The following PRRX1 variants were observed in gnomAD, a reference collection of about 807,000 sequenced individuals.
The protein encoded by PRRX1 is paired mesoderm homeobox protein 1.
In PRRX1, 8 loss-of-function variants were observed where a neutral mutation model predicts 24.0. That is an observed-to-expected ratio of 0.33 (90% CI 0.20 to 0.60). The LOEUF (loss-of-function observed/expected upper bound fraction) is 0.60, where lower values mean the gene tolerates loss of function less well. PRRX1 is among the 20% of genes least tolerant of loss of function. The probability of loss-of-function intolerance (pLI) is 0.82; values close to 1 mark genes in which losing one functional copy is unlikely to be tolerated. For synonymous variants in PRRX1, 160 were observed against 131.7 expected, an observed-to-expected ratio of 1.22 and a Z score of -1.47; for missense variants, 281 against 322.4, an observed-to-expected ratio of 0.87 and a Z score of 0.98.
At chr1:170,730,372 G>T in intron 3 of PRRX1, 2 of 1,580,084 alleles carry the variant, frequency 1.3e-6, no homozygotes, top group Non-Finnish European at 1.7e-6. Context: ...GGGGGAAGAG[G>T]GTGGCTGCTT....
chr1:170,732,617 G>A (rs541553046), intron 3 of PRRX1, among the ~76,000 whole-genome samples: 5 of 152,214 alleles, frequency 3.3e-5, no homozygotes, highest in African/African-American at 1.2e-4. Flanking sequence ...TTTAGTATGT[G>A]TACAAAATAT....
At chr1:170,669,053 A>G (rs1199444592) in intron 1 of PRRX1, 2 of 152,118 alleles carry the variant, frequency 1.3e-5, no homozygotes, top group African/African-American at 4.8e-5. Context: ...GGGGAAATTG[A>G]TAGTCCAGTG....
intron 1 of PRRX1, among the ~76,000 whole-genome samples, chr1:170,694,149 A>G (rs963685137): frequency 6.6e-6 from 1 of 152,108 alleles, no homozygotes; most frequent in East Asian, 1.9e-4. Flanking sequence ...ATAAGGTTTC[A>G]GTTTCTCACT....
intron 1 of PRRX1, among the ~76,000 whole-genome samples, chr1:170,683,806 G>C (rs908399934): frequency 1.3e-5 from 2 of 152,196 alleles, no homozygotes; most frequent in African/African-American, 4.8e-5. Flanking sequence ...GTCTTCAGAA[G>C]TTTTTAGTGT....
chr1:170,689,839 C>CTCTCTCTCTCT lies in PRRX1; in HGVS notation c.241+25380_241+25381insTCTCTCTCTCT, dbSNP rs1558049688. 9.8e-4 allele frequency among the ~76,000 whole-genome samples: 90 copies of CTCTCTCTCTCT among 91,636 alleles called. 5 individuals are homozygous for CTCTCTCTCTCT. Among genetic ancestry groups the CTCTCTCTCTCT allele is most frequent in the African/African-American group, 3.5e-3 (87 of 24,704 alleles). The allele number at this position is 91,636 out of a possible 152,430, so 60.1% of individuals were successfully genotyped here. A position where few individuals can be genotyped will look rare whatever the true frequency, so the allele number is the denominator to read the frequency against. On this transcript the variant is annotated intron_variant, in intron 1 of 3. Coordinates refer to ENST00000239461, the MANE Select transcript of PRRX1 (RefSeq NM_022716.4). ...GTCTCTCTCTCTCTCTCTCTCTCTC[C>CTCTCTCTCTCT]CTCTCTCTCTCTCTCTCTCTCTCTC...
chr1:170,680,570 G>A (rs1033556992), intron 1 of PRRX1, among the ~76,000 whole-genome samples: 3 of 152,142 alleles, frequency 2.0e-5, no homozygotes, highest in African/African-American at 4.8e-5. Context: ...TTAATCATTT[G>A]TGGAGCATAC....
At chr1:170,709,034 G>A (rs1378358064) in intron 1 of PRRX1, among the ~76,000 whole-genome samples, 1 of 152,184 alleles carries the variant, frequency 6.6e-6, no homozygotes, top group Non-Finnish European at 1.5e-5. Flanking sequence ...AAATATGGAA[G>A]ACTAATGTCA....
chr1:170,735,761 C>T (rs1355547163), intron 3 of PRRX1, among the ~76,000 whole-genome samples: 1 of 152,142 alleles, frequency 6.6e-6, no homozygotes, highest in East Asian at 1.9e-4. Flanking sequence ...TTTCTTCTCT[C>T]ACCCCAGAAA....
chr1:170,665,636 T>C lies in PRRX1; in HGVS notation c.241+1177T>C, dbSNP rs552522537. On this transcript the variant is annotated intron_variant, in intron 1 of 3. Transcript: ENST00000239461. ...ACAAAACGTTGCCTATTTCAGACTC[T>C]CAAAGAATAGACATACAAATCAAAC... 2.4e-4 allele frequency among the ~76,000 whole-genome samples: 36 copies of C among 152,322 alleles called. No individual in the cohort carries two copies. In the South Asian group the frequency reaches 6.6e-3, roughly 28 times the overall value.
rs1253420382 is a variant in PRRX1, at chr1:170,737,936, T to G, written c.*1750T>G. On this transcript the variant is annotated 3_prime_UTR_variant, in exon 4 of 4. Coordinates refer to ENST00000239461, the MANE Select transcript of PRRX1 (RefSeq NM_022716.4). Reference sequence around the variant, plus strand: ...ATAAAAGTGTACAATGTTAATGGAATGATACGGTACCTGAAAGCCTTGTTT... The same window carrying G: ...ATAAAAGTGTACAATGTTAATGGAAGGATACGGTACCTGAAAGCCTTGTTT... 7 of 216,632 alleles carry G rather than the reference T, an allele frequency of 3.2e-5. No homozygotes were observed. Among genetic ancestry groups the G allele is most frequent in the Non-Finnish European group, 6.5e-5 (7 of 107,420 alleles). 13.4% of individuals were successfully genotyped at this position (216,632 alleles called of 1,614,324 possible).
At chr1:170,689,960 T>C (rs1041510931) in intron 1 of PRRX1, among the ~76,000 whole-genome samples, 3 of 151,612 alleles carry the variant, frequency 2.0e-5, no homozygotes, top group African/African-American at 7.3e-5. Flanking sequence ...TTTGGTTCCA[T>C]TTTGTCTGAG....
At chr1:170,720,998 G>A (rs1358303251) in intron 2 of PRRX1, among the ~76,000 whole-genome samples, 2 of 152,082 alleles carry the variant, frequency 1.3e-5, no homozygotes, top group Non-Finnish European at 2.9e-5. Flanking sequence ...TCTTCATTTT[G>A]CAGATGAGAA....
In PRRX1 at chr1:170,664,184, G is replaced by T. The variant is rs1428873927; in HGVS notation, c.-35G>T. On this transcript the variant is annotated 5_prime_UTR_variant, in exon 1 of 4. Coordinates refer to ENST00000239461, the MANE Select transcript of PRRX1 (RefSeq NM_022716.4). Reference sequence around the variant, plus strand: ...CAGCGTTTGGTGTTGATTCGAGCGGGAAGAGGGGGGTGGGTGGGATCGGTG... The same window carrying T: ...CAGCGTTTGGTGTTGATTCGAGCGGTAAGAGGGGGGTGGGTGGGATCGGTG... 3 of 1,588,408 alleles carry T rather than the reference G, an allele frequency of 1.9e-6. No homozygotes were observed. The Admixed American group carries it at 5.2e-5, about 27-fold the overall frequency.
chr1:170,664,448 C>T lies in PRRX1; in HGVS notation c.230C>T (p.Pro77Leu). The T allele has an allele frequency of 6.2e-7, 1 of 1,602,500 alleles. No homozygotes were observed. The highest frequency in any genetic ancestry group is 8.5e-7 in the Non-Finnish European group (1 of 1,175,200). The change falls in exon 1 of 4, where the codon CCG (proline) becomes CTG (leucine). Residue 77 changes from proline (P) to leucine (L), a missense_variant. Pro to Leu is a moderately conservative substitution (Grantham distance 98). Transcript: ENST00000239461. ...SPGLTSGSDT[P>L]QQDNDQLNSE... ...GGACTCACCAGCGGCAGCGACACCC[C>T]GCAGCAGGACAGTGAGTGAGGGGCG...
chr1:170,711,716 G>T (rs1654759402), intron 1 of PRRX1, among the ~76,000 whole-genome samples: 2 of 152,012 alleles, frequency 1.3e-5, no homozygotes, highest in African/African-American at 2.4e-5. Flanking sequence ...CAGTGCAAAG[G>T]GAAAAAAACC....
At chr1:170,697,939 CAT>C (rs1048405229) in intron 1 of PRRX1, among the ~76,000 whole-genome samples, 10 of 150,904 alleles carry the variant, frequency 6.6e-5, no homozygotes, top group African/African-American at 2.4e-4. Context: ...CTTTATATAA[CAT>C]AATTTTTAAT....
In PRRX1 at chr1:170,719,659, T is replaced by C. The variant is rs1183184148; in HGVS notation, c.242-67T>C. On this transcript the variant is annotated intron_variant, in intron 1 of 3. Coordinates refer to ENST00000239461, the MANE Select transcript of PRRX1 (RefSeq NM_022716.4). ...GCAAGATCTCACTATAGATATACCA[T>C]AAAAAAGTCTTAACTGGGACTCCTA... 5.3e-6 allele frequency: 8 copies of C among 1,521,684 alleles called. No homozygotes were observed. The East Asian group carries it at 1.6e-4, about 30-fold the overall frequency. 94.3% of individuals were successfully genotyped at this position (1,521,684 alleles called of 1,614,324 possible). A position where few individuals can be genotyped will look rare whatever the true frequency, so the allele number is the denominator to read the frequency against.
At chr1:170,692,147 C>T (rs528954744) in intron 1 of PRRX1, among the ~76,000 whole-genome samples, 1 of 152,106 alleles carries the variant, frequency 6.6e-6, no homozygotes, top group South Asian at 2.1e-4. Flanking sequence ...TTGTTTTTAT[C>T]CTGGCAGACC....
chr1:170,734,565 T>C (rs1387551474), intron 3 of PRRX1, among the ~76,000 whole-genome samples: 1 of 152,094 alleles, frequency 6.6e-6, no homozygotes, highest in Non-Finnish European at 1.5e-5. Context: ...CATGAAATGA[T>C]GAGTAAGAGT....
Sources: gnomAD v4.1 joint callset for allele counts (sites outside exome capture counted in the v4.1 genomes callset) on GRCh38, gnomAD v4.1.1 for gene constraint, MANE v1.5 for transcripts, NCBI Gene and HGNC (gene_info 2026-07-23, HGNC 2026-07-21) for gene names.